Variants in HSD17B12 observed in about 807,000 individuals in gnomAD.
HSD17B12 encodes hydroxysteroid 17-beta dehydrogenase 12, also known as very-long-chain 3-oxoacyl-CoA reductase.
Under a neutral mutation model 39.3 loss-of-function variants are expected in HSD17B12, and 32 were observed. The ratio of observed to expected loss-of-function variants is 0.81; its 90% CI spans 0.61 to 1.09. The LOEUF (loss-of-function observed/expected upper bound fraction) is 1.09. Among genes scored for constraint, HSD17B12 ranks in the 50% least tolerant of loss-of-function variants. The pLI is 0.00. For synonymous variants in HSD17B12, 150 were observed against 146.7 expected, an observed-to-expected ratio of 1.02 and a Z score of -0.16; for missense variants, 342 against 382.9, an observed-to-expected ratio of 0.89 and a Z score of 0.89.
intron 4 of HSD17B12, among the ~76,000 whole-genome samples, chr11:43,812,667 G>A (rs1173856654): frequency 1.3e-5 from 2 of 152,066 alleles, no homozygotes; most frequent in African/African-American, 2.4e-5. Context: ...CATTCAACAG[G>A]TAGTCTCTTC....
intron 4 of HSD17B12, among the ~76,000 whole-genome samples, chr11:43,812,642 G>A (rs1178408119): frequency 6.6e-6 from 1 of 152,142 alleles, no homozygotes; most frequent in Admixed American, 6.5e-5. Context: ...TGGATAGTTT[G>A]CAAATATATT....
At chr11:43,781,686 TG>T (rs1342907393) in intron 3 of HSD17B12, among the ~76,000 whole-genome samples, 4 of 152,170 alleles carry the variant, frequency 2.6e-5, no homozygotes, top group African/African-American at 9.7e-5. Context: ...CAGAATATTT[TG>T]CCAACAATTT....
intron 1 of HSD17B12, among the ~76,000 whole-genome samples, chr11:43,681,775 G>A (rs1016484553): frequency 4.6e-5 from 7 of 151,384 alleles, no homozygotes; most frequent in African/African-American, 1.7e-4. Context: ...AATGGAGGAC[G>A]AAGGTCAGGT....
the HSD17B12 span, among the ~76,000 whole-genome samples, chr11:43,583,938 T>C: frequency 6.6e-6 from 1 of 152,068 alleles, no homozygotes; most frequent in East Asian, 1.9e-4. Flanking sequence ...CTAGCTTAAC[T>C]TTGCCTATGT....
At chr11:43,811,952 A>G (rs1032891160) in intron 4 of HSD17B12, among the ~76,000 whole-genome samples, 1 of 152,128 alleles carries the variant, frequency 6.6e-6, no homozygotes, top group African/African-American at 2.4e-5. Context: ...GCTCCTACAT[A>G]TGAATGAGAA....
At chr11:43,698,968 A>G (rs920315816) in intron 1 of HSD17B12, among the ~76,000 whole-genome samples, 1 of 152,240 alleles carries the variant, frequency 6.6e-6, no homozygotes, top group African/African-American at 2.4e-5. Context: ...TTGTTAATGT[A>G]AGCTTGTTTC....
At chr11:43,580,950 A>G in the HSD17B12 span, among the ~76,000 whole-genome samples, 1 of 151,890 alleles carries the variant, frequency 6.6e-6, no homozygotes, top group Non-Finnish European at 1.5e-5. Context: ...GCCTGTAGTC[A>G]CGGCTGGAAC....
chr11:43,683,108 T>G lies in HSD17B12; in HGVS notation c.160+2121T>G, dbSNP rs536549976. On this transcript the variant is annotated intron_variant, in intron 1 of 10. Transcript: ENST00000278353. ...TGCCTGGATGTGTTTTTTTTTGTTT[T>G]TTTTTTTTTTTCTCTTTAAAATTGA... Among the ~76,000 whole-genome samples, 114 of 134,134 alleles carry G rather than the reference T, an allele frequency of 8.5e-4. 1 individual carries two copies. In the South Asian group the frequency reaches 0.012, roughly 15 times the overall value. 88.0% of individuals were successfully genotyped at this position (134,134 alleles called of 152,430 possible).
In HSD17B12 at chr11:43,854,832, C is replaced by T. The variant is rs756390290; in HGVS notation, c.802C>T (p.Arg268Ter). 2.5e-5 allele frequency: 40 copies of T among 1,614,038 alleles called. No homozygotes were observed. The highest frequency in any genetic ancestry group is 4.5e-5 in the East Asian group (2 of 44,896). ...AATTAAAACAGTCGGCCTGCAATCCCGAACCAATGGATACCTGATCCATGC... is the reference window on the plus strand; with the variant it reads ...AATTAAAACAGTCGGCCTGCAATCCTGAACCAATGGATACCTGATCCATGC... The part of the protein sequence containing the change: ...SAIKTVGLQS[R>*]TNGYLIHALM... The change falls in exon 10 of 11, where the codon CGA becomes TGA. Residue 268 changes from arginine to a stop codon, truncating the protein, a stop_gained. Coordinates refer to ENST00000278353, the MANE Select transcript of HSD17B12 (RefSeq NM_016142.3). LOFTEE classifies it low-confidence loss of function (END_TRUNC).
At chr11:43,751,096 A>G in intron 2 of HSD17B12, 139 bp downstream of exon 2, 1 of 501,190 alleles carries the variant, frequency 2.0e-6, no homozygotes, top group Non-Finnish European at 3.4e-6. Flanking sequence ...TTTTGTTTCT[A>G]CCTTGTTGGA....
At chr11:43,623,634 T>G in the HSD17B12 span, among the ~76,000 whole-genome samples, 1 of 152,204 alleles carries the variant, frequency 6.6e-6, no homozygotes, top group East Asian at 1.9e-4. Context: ...ATTTCTGGCT[T>G]TAAATTTTTG....
At chr11:43,637,778 G>A in the HSD17B12 span, among the ~76,000 whole-genome samples, 2 of 152,192 alleles carry the variant, frequency 1.3e-5, no homozygotes, top group African/African-American at 2.4e-5. Context: ...CATGAGCTAG[G>A]AAGGTGCATG....
the HSD17B12 span, among the ~76,000 whole-genome samples, chr11:43,652,710 G>T: frequency 3.3e-5 from 5 of 152,032 alleles, no homozygotes; most frequent in African/African-American, 1.2e-4. Context: ...GGCGAGGTAT[G>T]GAGGAAGGGG....
the HSD17B12 span, among the ~76,000 whole-genome samples, chr11:43,572,111 T>C: frequency 6.6e-6 from 1 of 152,196 alleles, no homozygotes; most frequent in African/African-American, 2.4e-5. Context: ...TCCTAATTCT[T>C]CCCTGGACCA....
intron 1 of HSD17B12, among the ~76,000 whole-genome samples, chr11:43,737,159 A>G (rs1950324400): frequency 6.6e-6 from 1 of 152,240 alleles, no homozygotes; most frequent in African/African-American, 2.4e-5. Context: ...GCTCTTAGGC[A>G]TGGACTTTAC....
chr11:43,743,230 T>C (rs1398533998), intron 1 of HSD17B12, among the ~76,000 whole-genome samples: 2 of 152,250 alleles, frequency 1.3e-5, no homozygotes, highest in African/African-American at 4.8e-5. Flanking sequence ...TGGGTGCTTC[T>C]AGTTTTAAAA....
At chr11:43,628,923 T>C in the HSD17B12 span, among the ~76,000 whole-genome samples, 1 of 152,156 alleles carries the variant, frequency 6.6e-6, no homozygotes, top group Non-Finnish European at 1.5e-5. Flanking sequence ...TTATGGGCTA[T>C]ATGATATGAG....
chr11:43,588,892 T>C, the HSD17B12 span, among the ~76,000 whole-genome samples: 2 of 151,870 alleles, frequency 1.3e-5, no homozygotes, highest in African/African-American at 2.4e-5. Context: ...TCTTGTTTCA[T>C]TCTCCTTTTA....
intron 3 of HSD17B12, among the ~76,000 whole-genome samples, chr11:43,785,080 C>T (rs974884746): frequency 8.7e-5 from 12 of 137,376 alleles, no homozygotes; most frequent in African/African-American, 3.2e-4. Flanking sequence ...TGTTTTCAGC[C>T]AGCTAAGTAA....
Sources: gnomAD v4.1 joint callset for allele counts (sites outside exome capture counted in the v4.1 genomes callset) on GRCh38, gnomAD v4.1.1 for gene constraint, MANE v1.5 for transcripts, NCBI Gene and HGNC (gene_info 2026-07-23, HGNC 2026-07-21) for gene names.